Variants in PARD3B observed in about 807,000 individuals in gnomAD.
PARD3B encodes par-3 family cell polarity regulator beta.
In PARD3B, 103 loss-of-function variants were observed where a neutral mutation model predicts 130.2. The ratio of observed to expected loss-of-function variants is 0.79; its 90% CI spans 0.67 to 0.93. The LOEUF (loss-of-function observed/expected upper bound fraction) is 0.93, where lower values mean the gene tolerates loss of function less well. Among genes scored for constraint, PARD3B ranks in the 40% least tolerant of loss-of-function variants. PARD3B has a pLI of 0.00. For synonymous variants in PARD3B, 583 were observed against 553.2 expected (o/e 1.05, Z -0.76); for missense variants, 1,609 against 1,499.2 (o/e 1.07, Z -1.21).
chr2:204,784,555 C>T (rs1271983417), intron 2 of PARD3B, among the ~76,000 whole-genome samples: 1 of 152,080 alleles, frequency 6.6e-6, no homozygotes, highest in African/African-American at 2.4e-5. Context: ...GATGGAGGAA[C>T]TAATTTTACT....
intron 15 of PARD3B, among the ~76,000 whole-genome samples, chr2:205,218,037 C>T (rs73061114): frequency 4.1e-3 from 620 of 151,000 alleles, no homozygotes; most frequent in African/African-American, 0.014. Flanking sequence ...GGATTACAGA[C>T]GTGCTTCACA....
chr2:204,979,297 A>G (rs965719065), intron 3 of PARD3B, among the ~76,000 whole-genome samples: 1 of 152,120 alleles, frequency 6.6e-6, no homozygotes, highest in African/African-American at 2.4e-5. Flanking sequence ...ACTGCCCTAG[A>G]GTAAAGGCTG....
chr2:205,618,552 G>A lies in PARD3B; in HGVS notation c.*2739G>A, dbSNP rs1672817833. 6.6e-6 allele frequency: 1 copy of A among 152,226 alleles called. No homozygotes were observed. The highest frequency in any genetic ancestry group is 2.1e-4 in the South Asian group (1 of 4,828). The allele number at this position is 152,226 out of a possible 1,614,324, so 9.4% of individuals were successfully genotyped here. On this transcript the variant is annotated 3_prime_UTR_variant, in exon 23 of 23. Transcript: ENST00000406610. The stretch of plus-strand genomic sequence containing the variant: ...GAACACTAATAGCCCCCCTGGAAGA[G>A]AGTGGCACATTGAGCTCCAAACCCA...
At chr2:205,093,088 A>G (rs1324634352) in intron 4 of PARD3B, among the ~76,000 whole-genome samples, 3 of 152,116 alleles carry the variant, frequency 2.0e-5, no homozygotes, top group African/African-American at 7.2e-5. Context: ...CTGGCTGGCA[A>G]CTTCGAATGC....
At chr2:205,381,081 T>TCTAAAGAATATATATA in intron 18 of PARD3B, among the ~76,000 whole-genome samples, 1 of 108,572 alleles carries the variant, frequency 9.2e-6, no homozygotes, top group South Asian at 2.5e-4. Flanking sequence ...ATATATATTA[T>TCTAAAGAATATATATA]ATATAAAGAA....
At chr2:205,053,537 G>C (rs1029870465) in intron 4 of PARD3B, among the ~76,000 whole-genome samples, 1 of 151,852 alleles carries the variant, frequency 6.6e-6, no homozygotes, top group Non-Finnish European at 1.5e-5. Flanking sequence ...GCACTTGAGA[G>C]GCTGAGGCAG....
intron 21 of PARD3B, among the ~76,000 whole-genome samples, chr2:205,523,028 C>T (rs2051151653): frequency 6.6e-6 from 1 of 151,398 alleles, no homozygotes. Context: ...TTTCTTAGGT[C>T]TATCACTTAT....
Position 205,122,888 on chromosome 2 carries a change from A to T in PARD3B, c.1165+939A>T, listed in dbSNP as rs1450690795. The stretch of plus-strand genomic sequence containing the variant: ...AATACATTGACTAGTAGGTACAAAA[A>T]TACTTCAGTGTGCTTATCAATCAGG... On this transcript the variant is annotated intron_variant, in intron 8 of 22. Transcript: ENST00000406610. This position sits in a 1 kb window ranked among gnomAD's most constrained non-coding sequence, Gnocchi z 4.3. Among the ~76,000 whole-genome samples the T allele has an allele frequency of 6.6e-6, 1 of 152,228 alleles. No homozygotes were observed. Among genetic ancestry groups the T allele is most frequent in the Non-Finnish European group, 1.5e-5 (1 of 68,028 alleles).
At chr2:205,100,472 A>C (rs1377290993) in intron 4 of PARD3B, among the ~76,000 whole-genome samples, 1 of 151,724 alleles carries the variant, frequency 6.6e-6, no homozygotes, top group Admixed American at 6.6e-5. Context: ...TTTTGCAGAT[A>C]TTAACAAACT....
intron 2 of PARD3B, among the ~76,000 whole-genome samples, chr2:204,794,484 A>G (rs958936293): frequency 6.6e-6 from 1 of 152,092 alleles, no homozygotes; most frequent in Admixed American, 6.5e-5. Context: ...ACTGGCTTGT[A>G]GTATTTGCTG....
At chr2:205,012,991 T>C (rs1259403046) in intron 3 of PARD3B, among the ~76,000 whole-genome samples, 1 of 152,220 alleles carries the variant, frequency 6.6e-6, no homozygotes, top group Non-Finnish European at 1.5e-5. Context: ...GAATAAGATA[T>C]GTTTAAAGTT....
intron 20 of PARD3B, among the ~76,000 whole-genome samples, chr2:205,457,833 C>T (rs1393629714): frequency 6.6e-6 from 1 of 152,054 alleles, no homozygotes; most frequent in Non-Finnish European, 1.5e-5. Flanking sequence ...ATCCATAATC[C>T]TAAATTTTCT....
In PARD3B at chr2:205,172,390, A is replaced by G; in HGVS notation, c.1791+9A>G. The G allele has an allele frequency of 1.2e-6, 2 of 1,610,550 alleles. No homozygotes were observed. The highest frequency in any genetic ancestry group is 1.7e-6 in the Non-Finnish European group (2 of 1,177,678). On this transcript the variant is annotated intron_variant, in intron 12 of 22. Coordinates refer to ENST00000406610, the MANE Select transcript of PARD3B (RefSeq NM_001302769.2). ...CAGAGAGACCAATGGAGGTGATGCA[A>G]ATCTTGATTCTCCTCAGCCAGTTGC...
intron 2 of PARD3B, among the ~76,000 whole-genome samples, chr2:204,772,372 A>G (rs1431217316): frequency 6.6e-6 from 1 of 152,100 alleles, no homozygotes; most frequent in African/African-American, 2.4e-5. Flanking sequence ...GCAGAGAAGA[A>G]AAGTCAGAGT....
chr2:205,237,680 G>T (rs1045136263), intron 15 of PARD3B, among the ~76,000 whole-genome samples: 2 of 152,072 alleles, frequency 1.3e-5, no homozygotes, highest in Admixed American at 1.3e-4. Context: ...ACAAGAGTGT[G>T]ATTAGAGCCA....
chr2:204,827,094 G>C (rs1174432629), intron 2 of PARD3B, among the ~76,000 whole-genome samples: 1 of 152,092 alleles, frequency 6.6e-6, no homozygotes, highest in Non-Finnish European at 1.5e-5. Flanking sequence ...TTTTCTAGTG[G>C]TTGATCTTAT....
intron 2 of PARD3B, among the ~76,000 whole-genome samples, chr2:204,953,144 C>A (rs1051845668): frequency 6.7e-6 from 1 of 149,788 alleles, no homozygotes; most frequent in Non-Finnish European, 1.5e-5. Context: ...ATTTTATAGG[C>A]AAAATTAGTA....
At chr2:204,788,417 T>C (rs1273779118) in intron 2 of PARD3B, among the ~76,000 whole-genome samples, 2 of 152,232 alleles carry the variant, frequency 1.3e-5, no homozygotes, top group Non-Finnish European at 2.9e-5. Context: ...TGTTACTCTG[T>C]GGATAATTTT....
intron 2 of PARD3B, among the ~76,000 whole-genome samples, chr2:204,745,106 A>G (rs2040160058): frequency 6.6e-6 from 1 of 152,168 alleles, no homozygotes; most frequent in Admixed American, 6.5e-5. Context: ...TTCTAGGCTC[A>G]CACTTAGTGA....
Sources: allele counts gnomAD v4.1 joint callset (sites outside exome capture counted in the v4.1 genomes callset), GRCh38; gene constraint gnomAD v4.1.1; non-coding constraint Gnocchi (gnomAD v3.1); transcripts MANE v1.5; gene names NCBI Gene and HGNC (gene_info 2026-07-23, HGNC 2026-07-21).